RBM39: variants seen among roughly 807,000 people sequenced by gnomAD.
RBM39 encodes the protein RNA-binding protein 39.
A neutral mutation model predicts 79.6 loss-of-function variants in RBM39; 12 were observed. The ratio of observed to expected loss-of-function variants is 0.15; its 90% CI spans 0.10 to 0.24. RBM39 has a LOEUF of 0.24. Ranked by LOEUF, RBM39 falls within the 10% of genes least tolerant of loss-of-function variation. The pLI is 1.00. For missense variants in RBM39, 243 were observed against 653.4 expected, an observed-to-expected ratio of 0.37 and a Z score of 6.85; for synonymous variants, 185 against 208.4, an observed-to-expected ratio of 0.89 and a Z score of 0.97.
chr20:35,741,157 C>A (rs2040487288), intron 1 of RBM39, among the ~76,000 whole-genome samples: 1 of 150,302 alleles, frequency 6.7e-6, no homozygotes, highest in Non-Finnish European at 1.5e-5. Context: ...ACCTCACCTC[C>A]CGAATAGCTG....
intron 9 of RBM39, among the ~76,000 whole-genome samples, chr20:35,719,527 A>G (rs772396242): frequency 2.6e-5 from 4 of 151,926 alleles, no homozygotes; most frequent in South Asian, 2.1e-4. Flanking sequence ...CACACCAAAA[A>G]TTAGCTGGGC....
intron 14 of RBM39, 93 bp from the exon 15 acceptor site, chr20:35,705,423 T>TA (rs912357095): frequency 6.5e-5 from 47 of 719,186 alleles, no homozygotes; most frequent in African/African-American, 4.0e-4. Context: ...TTCTATGAAT[T>TA]AAAAAAAATA....
At chr20:35,729,431 A>G (rs367891527) in intron 5 of RBM39, 31 bp downstream of exon 5, 10 of 1,609,030 alleles carry the variant, frequency 6.2e-6, no homozygotes, top group Non-Finnish European at 8.5e-6. Context: ...TTGAAAAACA[A>G]TTTAAACAAT....
In RBM39 at chr20:35,731,995, C is replaced by T. The variant is rs1288750952; in HGVS notation, c.242G>A (p.Arg81Gln). The change falls in exon 4 of 17, where the codon CGG (arginine) becomes CAG (glutamine). Residue 81 changes from arginine to glutamine, a missense_variant. Physicochemically the swap from Arg to Gln is conservative, Grantham distance 43 (BLOSUM62 1). Around this residue, in one of 4 missense-constraint regions of RBM39, gnomAD observed 115 missense variants for 184.1 expected, o/e 0.62. Coordinates refer to ENST00000253363, the MANE Select transcript of RBM39 (RefSeq NM_184234.3). ...RKRSRSKERRRSRSRSRDRRF... is the reference protein window; with the variant it reads ...RKRSRSKERRQSRSRSRDRRF... ...TCGATCTCGACTTCTTGAGCGGCTC[C>T]GTCGCCTCTCTTTGCTTCTACTTCG... The T allele has an allele frequency of 1.2e-6, 2 of 1,614,030 alleles. No individual in the cohort carries two copies. The highest frequency in any genetic ancestry group is 2.7e-5 in the African/African-American group (2 of 74,918).
At chr20:35,709,064 A>G (rs1425964941) in intron 13 of RBM39, 160 bp downstream of exon 13, 4 of 522,822 alleles carry the variant, frequency 7.7e-6, no homozygotes, top group Non-Finnish European at 9.8e-6. Context: ...GTCTTCTGAA[A>G]TACAGACAGA....
intron 4 of RBM39, 37 bp downstream of exon 4, chr20:35,731,904 T>C: frequency 1.9e-6 from 3 of 1,588,102 alleles, no homozygotes; most frequent in Non-Finnish European, 2.6e-6. Flanking sequence ...ACCCAGAGAA[T>C]AACCCTCAAA....
chr20:35,710,999 C>G (rs540100383), intron 12 of RBM39, among the ~76,000 whole-genome samples: 1 of 151,994 alleles, frequency 6.6e-6, no homozygotes, highest in Non-Finnish European at 1.5e-5. Flanking sequence ...GAGAAAGAAC[C>G]CAAGAGGTAC....
At chr20:35,713,666 CAAAAAAAAAAAAAAAAAAAA>C in intron 11 of RBM39, 1 of 34,728 alleles carries the variant, frequency 2.9e-5, no homozygotes, top group South Asian at 3.1e-3. Context: ...CCAACCAACA[CAAAAAAAAAAAAAAAAAAAA>C]AAAAAAAAAA....
rs367962510 is a variant in RBM39, at chr20:35,724,663, A to G, written c.594T>C (p.Tyr198=). The change falls in exon 8 of 17, where the codon TAT becomes TAC. Residue 198 remains tyrosine, a synonymous_variant. Transcript: ENST00000253363. The stretch of plus-strand genomic sequence containing the variant: ...CTGAGCTAACATCGACGAACTCCAC[A>G]TAAGCAATTCCTTTGGAACGTCTTG... ...RNSRRSKGIA[Y]VEFVDVSSVP... The G allele has an allele frequency of 2.3e-5, 37 of 1,614,164 alleles. No individual in the cohort carries two copies. The African/African-American group carries it at 4.3e-4, about 19-fold the overall frequency.
chr20:35,735,855 C>T (rs1484717813), intron 3 of RBM39, among the ~76,000 whole-genome samples: 3 of 152,170 alleles, frequency 2.0e-5, no homozygotes. Context: ...GTCCATTCTC[C>T]TATTTAGTCC....
At chr20:35,718,426 C>T (rs2037451334) in intron 9 of RBM39, among the ~76,000 whole-genome samples, 1 of 152,140 alleles carries the variant, frequency 6.6e-6, no homozygotes, top group African/African-American at 2.4e-5. Flanking sequence ...GTGGCTCCCA[C>T]CTGTAGGTGT....
chr20:35,707,683 AGT>A (rs1487536134), intron 13 of RBM39: 3 of 204,120 alleles, frequency 1.5e-5, no homozygotes, highest in African/African-American at 7.2e-5. Flanking sequence ...AAATCATCCA[AGT>A]GTTTAAAGAC....
intron 12 of RBM39, among the ~76,000 whole-genome samples, chr20:35,711,615 C>T (rs2036423354): frequency 1.3e-5 from 2 of 152,060 alleles, no homozygotes; most frequent in Admixed American, 1.3e-4. Context: ...GAAATGAAAC[C>T]AAATGCAGGT....
At chr20:35,722,769 TA>T (rs1426492796) in intron 8 of RBM39, among the ~76,000 whole-genome samples, 1 of 151,392 alleles carries the variant, frequency 6.6e-6, no homozygotes, top group African/African-American at 2.4e-5. Flanking sequence ...CCGTCTCTAC[TA>T]AAAATACAAA....
chr20:35,740,777 T>C (rs1431328962), intron 2 of RBM39, 47 bp downstream of exon 2: 3 of 1,559,292 alleles, frequency 1.9e-6, no homozygotes, highest in Non-Finnish European at 2.6e-6. Flanking sequence ...TCGTGAATAA[T>C]GCTAAATTAA....
chr20:35,707,779 G>A (rs779540193), intron 13 of RBM39: 50 of 257,392 alleles, frequency 1.9e-4, no homozygotes, highest in Non-Finnish European at 2.2e-4. Flanking sequence ...AAATGTTTTC[G>A]CACAATAAAA....
chr20:35,733,654 G>C (rs2039616820), intron 3 of RBM39, among the ~76,000 whole-genome samples: 1 of 152,036 alleles, frequency 6.6e-6, no homozygotes, highest in African/African-American at 2.4e-5. Context: ...AATACAATTT[G>C]ACATTCCTAG....
chr20:35,706,230 C>T (rs1416702478), intron 14 of RBM39, among the ~76,000 whole-genome samples: 1 of 152,142 alleles, frequency 6.6e-6, no homozygotes, highest in East Asian at 1.9e-4. Context: ...CCCAGCTACT[C>T]GAAAGGCATG....
chr20:35,729,934 G>A (rs2146674028), intron 4 of RBM39, among the ~76,000 whole-genome samples: 1 of 151,950 alleles, frequency 6.6e-6, no homozygotes, highest in South Asian at 2.1e-4. Flanking sequence ...ACAATTTGGT[G>A]TGTATCTTTG....
Sources: allele counts gnomAD v4.1 joint callset (sites outside exome capture counted in the v4.1 genomes callset), GRCh38; gene constraint gnomAD v4.1.1; regional missense constraint gnomAD v4.1.1; transcripts MANE v1.5; gene names NCBI Gene and HGNC (gene_info 2026-07-23, HGNC 2026-07-21).